Variants in CTNNA3 observed in about 807,000 individuals in gnomAD.
The protein encoded by CTNNA3 is catenin alpha-3.
A neutral mutation model predicts 95.7 loss-of-function variants in CTNNA3; 76 were observed. That is an observed-to-expected ratio of 0.79 (90% CI 0.66 to 0.96). The LOEUF (loss-of-function observed/expected upper bound fraction) is 0.96. Among genes scored for constraint, CTNNA3 ranks in the 40% least tolerant of loss-of-function variants. The pLI, the probability that CTNNA3 is intolerant of heterozygous loss-of-function variation, is 0.00. For missense variants in CTNNA3, 1,191 were observed against 1,089.8 expected, an observed-to-expected ratio of 1.09 and a Z score of -1.31; for synonymous variants, 431 against 374.4, an observed-to-expected ratio of 1.15 and a Z score of -1.74.
At chr10:65,997,739 G>A (rs931229211) in intron 15 of CTNNA3, among the ~76,000 whole-genome samples, 9 of 152,184 alleles carry the variant, frequency 5.9e-5, no homozygotes, top group Admixed American at 1.3e-4. Context: ...AAAAACGTCC[G>A]GGAGCAGTGG....
chr10:67,344,649 T>C (rs1842346119), intron 5 of CTNNA3, among the ~76,000 whole-genome samples: 1 of 152,136 alleles, frequency 6.6e-6, no homozygotes, highest in Admixed American at 6.5e-5. Flanking sequence ...TTGCTCATAG[T>C]AGCCACTAAT....
chr10:67,336,267 A>G lies in CTNNA3; in HGVS notation c.580-116397T>C, dbSNP rs116542937. Among the ~76,000 whole-genome samples the G allele has an allele frequency of 3.1e-3, 470 of 152,300 alleles. 1 individual carries two copies. The highest frequency in any genetic ancestry group is 9.9e-3 in the African/African-American group (413 of 41,550). Reference sequence around the variant, plus strand: ...TAAAATGACTCTAAGTGTTCAAATGAAAGAAACTGTAGCAGGTCTGTCACT... The same window carrying G: ...TAAAATGACTCTAAGTGTTCAAATGGAAGAAACTGTAGCAGGTCTGTCACT... On this transcript the variant is annotated intron_variant, in intron 5 of 17. Coordinates refer to ENST00000433211, the MANE Select transcript of CTNNA3 (RefSeq NM_013266.4).
intron 7 of CTNNA3, among the ~76,000 whole-genome samples, chr10:67,142,867 G>A (rs748775935): frequency 3.9e-5 from 6 of 152,138 alleles, no homozygotes; most frequent in Non-Finnish European, 8.8e-5. Context: ...GGGAGGCAGA[G>A]GTTGTAGTAA....
chr10:65,968,991 C>T (rs571641361), intron 16 of CTNNA3, among the ~76,000 whole-genome samples: 8 of 152,340 alleles, frequency 5.3e-5, no homozygotes, highest in East Asian at 3.9e-4. Context: ...GAGCATTTTG[C>T]ACTACAAGAA....
At chr10:66,382,635 T>C (rs1360364241) in intron 11 of CTNNA3, among the ~76,000 whole-genome samples, 1 of 152,214 alleles carries the variant, frequency 6.6e-6, no homozygotes, top group Non-Finnish European at 1.5e-5. Context: ...CCTCCTTAAG[T>C]GGGTCCCTGA....
At chr10:66,956,679 C>T (rs190455573) in intron 7 of CTNNA3, among the ~76,000 whole-genome samples, 5 of 152,216 alleles carry the variant, frequency 3.3e-5, no homozygotes, top group African/African-American at 1.2e-4. Context: ...CTCTGTTTTC[C>T]TGCAGAGTAA....
intron 7 of CTNNA3, among the ~76,000 whole-genome samples, chr10:67,058,862 T>C (rs1199939611): frequency 1.3e-5 from 2 of 152,154 alleles, no homozygotes; most frequent in East Asian, 3.9e-4. Context: ...ATTTCTAAGA[T>C]CATAAAATGA....
intron 5 of CTNNA3, among the ~76,000 whole-genome samples, chr10:67,312,315 C>G (rs1840846982): frequency 6.6e-6 from 1 of 152,144 alleles, no homozygotes; most frequent in Non-Finnish European, 1.5e-5. Context: ...TCATGATCTG[C>G]CTGCCTTGGC....
At chr10:66,950,361 A>AT (rs201554861) in intron 7 of CTNNA3, among the ~76,000 whole-genome samples, 4,760 of 151,632 alleles carry the variant, frequency 0.031, 244 homozygotes, top group African/African-American at 0.11. Flanking sequence ...AAAATCTTAC[A>AT]TTTTTTTTGT....
rs1411461131 is a variant in CTNNA3 at position 66,171,837 on chromosome 10, C to T, written c.1885-68588G>A. ...AATTACATACTTAGTACAATTAAAC[C>T]ATGAAATCATGAGGGAACAAAAAAA... On this transcript the variant is annotated intron_variant, in intron 13 of 17. Transcript: ENST00000433211. Among the ~76,000 whole-genome samples, 6 of 152,048 alleles carry T rather than the reference C, an allele frequency of 3.9e-5. No individual in the cohort carries two copies. The South Asian group carries it at 8.3e-4, about 21-fold the overall frequency.
intron 10 of CTNNA3, among the ~76,000 whole-genome samples, chr10:66,619,215 A>G (rs1473808513): frequency 6.6e-6 from 1 of 151,512 alleles, no homozygotes. Context: ...TACTGGGTAT[A>G]TACCCAAAGG....
chr10:66,635,255 A>G (rs1308752052), intron 9 of CTNNA3, among the ~76,000 whole-genome samples: 1 of 152,178 alleles, frequency 6.6e-6, no homozygotes, highest in Non-Finnish European at 1.5e-5. Context: ...AAACAAATCT[A>G]AACTATAAAT....
At chr10:66,497,997 A>G (rs1840155739) in intron 11 of CTNNA3, among the ~76,000 whole-genome samples, 1 of 152,106 alleles carries the variant, frequency 6.6e-6, no homozygotes, top group South Asian at 2.1e-4. Context: ...TCCCAAATTT[A>G]TGTGCTACAA....
At chr10:67,676,040 T>C (rs1840528978) in intron 1 of CTNNA3, among the ~76,000 whole-genome samples, 1 of 152,112 alleles carries the variant, frequency 6.6e-6, no homozygotes, top group Non-Finnish European at 1.5e-5. Context: ...TGTAAGATTA[T>C]ATCATATAAA....
At chr10:66,851,789 T>C (rs1589333033) in intron 7 of CTNNA3, among the ~76,000 whole-genome samples, 1 of 152,280 alleles carries the variant, frequency 6.6e-6, no homozygotes, top group Non-Finnish European at 1.5e-5. Flanking sequence ...TGCAGAACTA[T>C]GAGCCAGTTA....
Position 66,753,673 on chromosome 10 carries a change from G to GAA in CTNNA3, c.1281+12589_1281+12590dup, listed in dbSNP as rs201950525. ...ATGAAACTCCATCTCAAAAAAAAAA[G>GAA]AAAATATATATATATATACACACAC... On this transcript the variant is annotated intron_variant, in intron 9 of 17. Coordinates refer to ENST00000433211, the MANE Select transcript of CTNNA3 (RefSeq NM_013266.4). Among the ~76,000 whole-genome samples, 268 of 147,858 alleles carry GAA rather than the reference G, an allele frequency of 1.8e-3. 1 individual carries two copies. Among genetic ancestry groups the GAA allele is most frequent in the African/African-American group, 6.5e-3 (260 of 40,292 alleles).
chr10:67,607,090 T>A (rs780310442), intron 2 of CTNNA3, 41 bp from the exon 3 acceptor site: 13 of 1,456,184 alleles, frequency 8.9e-6, no homozygotes, highest in Non-Finnish European at 1.2e-5. Context: ...TGACAAATTG[T>A]AAGGAGAACA....
intron 5 of CTNNA3, among the ~76,000 whole-genome samples, chr10:67,445,787 G>A (rs2132946464): frequency 6.6e-6 from 1 of 152,208 alleles, no homozygotes; most frequent in Non-Finnish European, 1.5e-5. Flanking sequence ...TACAATTATG[G>A]GATTACATAT....
chr10:66,262,614 C>T (rs2091039022), intron 13 of CTNNA3, among the ~76,000 whole-genome samples: 1 of 151,612 alleles, frequency 6.6e-6, no homozygotes, highest in South Asian at 2.1e-4. Context: ...GATACATATA[C>T]ATAAATGAAT....
Sources: allele counts gnomAD v4.1 joint callset (sites outside exome capture counted in the v4.1 genomes callset), GRCh38; gene constraint gnomAD v4.1.1; transcripts MANE v1.5; gene names NCBI Gene and HGNC (gene_info 2026-07-23, HGNC 2026-07-21).